Variants in DLGAP2 observed in about 807,000 individuals in gnomAD.
The protein encoded by DLGAP2 is disks large-associated protein 2.
In DLGAP2, 26 loss-of-function variants were observed where a neutral mutation model predicts 100.3. That is an observed-to-expected ratio of 0.26 (90% CI 0.19 to 0.36). The LOEUF is 0.36. DLGAP2 is among the 10% of genes least tolerant of loss of function. The pLI, the probability that DLGAP2 is intolerant of heterozygous loss-of-function variation, is 1.00. For synonymous variants in DLGAP2, 886 were observed against 630.1 expected (o/e 1.41, Z -6.08); for missense variants, 1,858 against 1,453.2 (o/e 1.28, Z -4.53).
At chr8:1,226,461 A>C (rs1369117823) in intron 2 of DLGAP2, among the ~76,000 whole-genome samples, 1 of 152,108 alleles carries the variant, frequency 6.6e-6, no homozygotes, top group Non-Finnish European at 1.5e-5. Context: ...CAACACACAC[A>C]GGGGCCTGTC....
At chr8:1,002,115 G>A (rs1320242832) in intron 2 of DLGAP2, 3 of 152,124 alleles carry the variant, frequency 2.0e-5, no homozygotes, top group Non-Finnish European at 4.4e-5. Flanking sequence ...TTCCGCAGAT[G>A]AAGACCCCCA....
intron 2 of DLGAP2, among the ~76,000 whole-genome samples, chr8:1,245,595 G>C (rs1028788241): frequency 3.3e-5 from 5 of 152,196 alleles, no homozygotes; most frequent in Admixed American, 3.3e-4. Context: ...TGGAAATGAG[G>C]GTTAACTGCC....
intron 1 of DLGAP2, among the ~76,000 whole-genome samples, chr8:783,631 C>T (rs1248501213): frequency 6.6e-6 from 1 of 151,636 alleles, no homozygotes; most frequent in Non-Finnish European, 1.5e-5. Flanking sequence ...TTTACGGGTG[C>T]CTTTCCCTAC....
At chr8:977,781 C>CGTCGGG (rs1800207602) in intron 2 of DLGAP2, among the ~76,000 whole-genome samples, 1 of 117,554 alleles carries the variant, frequency 8.5e-6, no homozygotes, top group African/African-American at 3.1e-5. Context: ...GTGGGGAGGG[C>CGTCGGG]GTCGGGGATG....
At chr8:1,465,806 G>A (rs187862460) in intron 3 of DLGAP2, among the ~76,000 whole-genome samples, 479 of 152,292 alleles carry the variant, frequency 3.1e-3, no homozygotes, top group African/African-American at 0.01. Flanking sequence ...CCTCTGTGCC[G>A]CGTTTCTTCC....
At chr8:1,701,081 G>A (rs1228044097) in intron 14 of DLGAP2, 107 bp from the exon 15 acceptor site, 7 of 1,025,300 alleles carry the variant, frequency 6.8e-6, no homozygotes, top group Non-Finnish European at 9.8e-6. Context: ...GCGGCCCTGG[G>A]GGCTGCGGTC....
At chr8:817,140 CAAAA>C (rs35157533) in intron 1 of DLGAP2, among the ~76,000 whole-genome samples, 58 of 115,052 alleles carry the variant, frequency 5.0e-4, no homozygotes, top group African/African-American at 1.6e-3. Flanking sequence ...GACTCCGTCT[CAAAA>C]AAAAAAAAAA....
intron 2 of DLGAP2, among the ~76,000 whole-genome samples, chr8:990,278 G>A (rs74456969): frequency 0.013 from 1,911 of 151,780 alleles, 17 homozygotes; most frequent in Non-Finnish European, 0.021. Context: ...CATGGGAATC[G>A]ACCTTCTGAA....
At chr8:1,218,966 C>T (rs376875360) in intron 2 of DLGAP2, among the ~76,000 whole-genome samples, 1 of 152,134 alleles carries the variant, frequency 6.6e-6, no homozygotes, top group Non-Finnish European at 1.5e-5. Context: ...AATTTTTGTA[C>T]ACTGAGTTTA....
intron 1 of DLGAP2, among the ~76,000 whole-genome samples, chr8:865,894 G>C (rs1158452149): frequency 2.6e-5 from 4 of 152,218 alleles, no homozygotes; most frequent in African/African-American, 4.8e-5. Context: ...AACAGCTGCT[G>C]AATGCATTCA....
At chr8:1,164,410 T>TGTGGGGATTTTTCTGTGAGC (rs1796973062) in intron 2 of DLGAP2, among the ~76,000 whole-genome samples, 1 of 152,002 alleles carries the variant, frequency 6.6e-6, no homozygotes, top group Admixed American at 6.6e-5. Context: ...CGTTTTGGTT[T>TGTGGGGATTTTTCTGTGAGC]CTCTGGAGCT....
intron 2 of DLGAP2, among the ~76,000 whole-genome samples, chr8:1,029,601 A>T (rs1429342353): frequency 7.6e-6 from 1 of 131,584 alleles, no homozygotes; most frequent in East Asian, 2.5e-4. Flanking sequence ...AGTGGTGCCA[A>T]CAGGTTCTGG....
chr8:1,089,363 C>T (rs760829230), intron 2 of DLGAP2, among the ~76,000 whole-genome samples: 11 of 152,244 alleles, frequency 7.2e-5, no homozygotes, highest in Non-Finnish European at 7.3e-5. Flanking sequence ...TTGACACCAG[C>T]CAGCCGTTTG....
intron 2 of DLGAP2, among the ~76,000 whole-genome samples, chr8:1,120,762 A>C (rs186900032): frequency 6.6e-6 from 1 of 152,128 alleles, no homozygotes; most frequent in East Asian, 1.9e-4. Context: ...TAATTTATTT[A>C]GAAACTAGTC....
chr8:1,540,591 C>A (rs376912003), intron 4 of DLGAP2, among the ~76,000 whole-genome samples: 1 of 152,218 alleles, frequency 6.6e-6, no homozygotes, highest in Non-Finnish European at 1.5e-5. Flanking sequence ...CCGGGCTGGG[C>A]GCTGGAGTCG....
chr8:1,667,895 C>T (rs1317408062), intron 8 of DLGAP2, among the ~76,000 whole-genome samples: 1 of 151,060 alleles, frequency 6.6e-6, no homozygotes, highest in Non-Finnish European at 1.5e-5. Context: ...TTAAATGATG[C>T]CATGCCTGTG....
intron 3 of DLGAP2, among the ~76,000 whole-genome samples, chr8:1,473,737 G>A (rs114720391): frequency 1.4e-4 from 21 of 152,218 alleles, no homozygotes; most frequent in African/African-American, 5.1e-4. Context: ...CTGAATCATG[G>A]GGTGGGTCCC....
intron 2 of DLGAP2, among the ~76,000 whole-genome samples, chr8:1,213,425 C>T (rs149788161): frequency 5.4e-4 from 82 of 152,240 alleles, no homozygotes; most frequent in African/African-American, 1.8e-3. Flanking sequence ...ATATTGATTT[C>T]CTAATATTAC....
intron 2 of DLGAP2, among the ~76,000 whole-genome samples, chr8:1,143,463 T>C (rs1174884865): frequency 6.6e-6 from 1 of 152,184 alleles, no homozygotes; most frequent in South Asian, 2.1e-4. Context: ...AGACGGGATA[T>C]TTACTGAGTT....
Sources: gnomAD v4.1 joint callset for allele counts (sites outside exome capture counted in the v4.1 genomes callset) on GRCh38, gnomAD v4.1.1 for gene constraint, MANE v1.5 for transcripts, NCBI Gene and HGNC (gene_info 2026-07-23, HGNC 2026-07-21) for gene names.